TXNL1: variants seen among roughly 807,000 people sequenced by gnomAD.
The protein encoded by TXNL1 is thioredoxin like 1, also known as thioredoxin-like protein 1.
In TXNL1, 14 loss-of-function variants were observed where a neutral mutation model predicts 35.5. That is an observed-to-expected ratio of 0.39 (90% confidence interval 0.26 to 0.62). The LOEUF (loss-of-function observed/expected upper bound fraction) is 0.62, where lower values mean the gene tolerates loss of function less well. TXNL1 is among the 20% of genes least tolerant of loss of function. TXNL1 has a pLI of 0.47. For missense variants in TXNL1, 263 were observed against 349.7 expected, an observed-to-expected ratio of 0.75 and a Z score of 1.98; for synonymous variants, 110 against 115.5, an observed-to-expected ratio of 0.95 and a Z score of 0.31.
rs146288349 is a variant in TXNL1, at chr18:56,607,509, G to A, written c.840+3484C>T. Among the ~76,000 whole-genome samples the A allele has an allele frequency of 1.3e-4, 19 of 151,906 alleles. No homozygotes were observed. In the East Asian group the frequency reaches 2.7e-3, roughly 22 times the overall value. On this transcript the variant is annotated intron_variant, in intron 7 of 7. Transcript: ENST00000217515. The stretch of plus-strand genomic sequence containing the variant: ...AATTTATACATTAAACATTATCAGC[G>A]GTATGTATATATGTACAGATGCTCC...
intron 2 of TXNL1, among the ~76,000 whole-genome samples, chr18:56,625,520 G>A (rs1210602197): frequency 6.6e-6 from 1 of 152,062 alleles, no homozygotes; most frequent in Non-Finnish European, 1.5e-5. Flanking sequence ...ATAGCCAGTG[G>A]TTACAATACC....
intron 4 of TXNL1, 59 bp downstream of exon 4, chr18:56,617,945 A>C: frequency 1.3e-6 from 2 of 1,586,722 alleles, no homozygotes; most frequent in Non-Finnish European, 1.7e-6. Flanking sequence ...GGGAACAAGA[A>C]ACAAGAGCAG....
chr18:56,599,460 CTATATT>C lies in TXNL1; in HGVS notation c.*3561_*3566del, dbSNP rs1437001045. ...CTTTATGTGTATTATAAAGCATAAT[CTATATT>C]TACAAAACTGTAAAATACACACCTC... is the stretch of plus-strand genomic sequence containing the variant. On this transcript the variant is annotated 3_prime_UTR_variant, in exon 8 of 8. Coordinates refer to ENST00000217515, the MANE Select transcript of TXNL1 (RefSeq NM_004786.3). The C allele has an allele frequency of 6.6e-6, 1 of 151,858 alleles. No homozygotes were observed. The highest frequency in any genetic ancestry group is 1.5e-5 in the Non-Finnish European group (1 of 67,980). The allele number at this position is 151,858 out of a possible 1,614,324, so 9.4% of individuals were successfully genotyped here.
At position 56,597,782 on chromosome 18, in the gene TXNL1, A is replaced by G. The variant is rs2023761941; in HGVS notation, c.*5245T>C. ...TCTAAAATCACATTCCTGGCTTTTT[A>G]CTTACTAGACATCGCCACCCAAATA... On this transcript the variant is annotated 3_prime_UTR_variant, in exon 8 of 8. Transcript: ENST00000217515. 6.6e-6 allele frequency: 1 copy of G among 152,168 alleles called. No individual in the cohort carries two copies. The highest frequency in any genetic ancestry group is 2.1e-4 in the South Asian group (1 of 4,830). 9.4% of individuals were successfully genotyped at this position (152,168 alleles called of 1,614,324 possible). A position where few individuals can be genotyped will look rare whatever the true frequency, so the allele number is the denominator to read the frequency against.
intron 3 of TXNL1, among the ~76,000 whole-genome samples, chr18:56,621,204 A>ATT (rs34382500): frequency 1.6e-5 from 2 of 126,168 alleles, no homozygotes; most frequent in African/African-American, 5.8e-5. Flanking sequence ...ATATATATGT[A>ATT]TTTTTTTTTT....
At chr18:56,632,832 C>T (rs191152850) in intron 1 of TXNL1, among the ~76,000 whole-genome samples, 221 of 152,294 alleles carry the variant, frequency 1.5e-3, no homozygotes, top group Middle Eastern at 6.8e-3. Flanking sequence ...ACTCTGTTCT[C>T]CAGGGCTTCA....
rs2024054642 is a variant in TXNL1, at chr18:56,614,657, A to G, written c.563-61T>C. On this transcript the variant is annotated intron_variant, in intron 5 of 7. Coordinates refer to ENST00000217515, the MANE Select transcript of TXNL1 (RefSeq NM_004786.3). ...ACCTCAAATATACTATACTCCCTTTACCACTACACTCACACTATACACAGA... is the reference window on the plus strand; with the variant it reads ...ACCTCAAATATACTATACTCCCTTTGCCACTACACTCACACTATACACAGA... 3.7e-6 allele frequency: 5 copies of G among 1,334,506 alleles called. No individual in the cohort carries two copies. In the Admixed American group the frequency reaches 6.7e-5, roughly 18 times the overall value. 82.7% of individuals were successfully genotyped at this position (1,334,506 alleles called of 1,614,324 possible). A position where few individuals can be genotyped will look rare whatever the true frequency, so the allele number is the denominator to read the frequency against.
intron 6 of TXNL1, among the ~76,000 whole-genome samples, chr18:56,611,480 C>A (rs545128709): frequency 2.2e-3 from 307 of 140,640 alleles, no homozygotes; most frequent in African/African-American, 7.7e-3. Flanking sequence ...CCAGCCCGGG[C>A]AACAAGAGCA....
chr18:56,637,756 T>G (rs2024479258), intron 1 of TXNL1, among the ~76,000 whole-genome samples: 1 of 152,196 alleles, frequency 6.6e-6, no homozygotes, highest in Admixed American at 6.5e-5. Context: ...TACAAGTTAG[T>G]GGCCGAACGA....
rs1392290555 is a variant in TXNL1 at position 56,599,859 on chromosome 18, G to A, written c.*3168C>T. 1 of 151,672 alleles carries A rather than the reference G, an allele frequency of 6.6e-6. No individual in the cohort carries two copies. Among genetic ancestry groups the A allele is most frequent in the Non-Finnish European group, 1.5e-5 (1 of 67,960 alleles). 9.4% of individuals were successfully genotyped at this position (151,672 alleles called of 1,614,324 possible). ...CAGGCATGAGCCACTGTTCCCAGCT[G>A]GATTTCTTACTCTAAGTTACTTATC... is the stretch of plus-strand genomic sequence containing the variant. On this transcript the variant is annotated 3_prime_UTR_variant, in exon 8 of 8. Transcript: ENST00000217515.
Position 56,600,321 on chromosome 18 carries a change from G to A in TXNL1, c.*2706C>T, listed in dbSNP as rs1428749722. On this transcript the variant is annotated 3_prime_UTR_variant, in exon 8 of 8. Coordinates refer to ENST00000217515, the MANE Select transcript of TXNL1 (RefSeq NM_004786.3). ...GCCTCCAACAGAATATTGAGACTGGGGAACAATGTGGGGCAGGTTTCAACT... is the reference window on the plus strand; with the variant it reads ...GCCTCCAACAGAATATTGAGACTGGAGAACAATGTGGGGCAGGTTTCAACT... 1 of 152,094 alleles carries A rather than the reference G, an allele frequency of 6.6e-6. No individual in the cohort carries two copies. The highest frequency in any genetic ancestry group is 1.9e-4 in the East Asian group (1 of 5,164). The allele number at this position is 152,094 out of a possible 1,614,324, so 9.4% of individuals were successfully genotyped here.
At chr18:56,614,681 G>T in intron 5 of TXNL1, 85 bp from the exon 6 acceptor site, 1 of 1,085,420 alleles carries the variant, frequency 9.2e-7, no homozygotes. Flanking sequence ...ACTATACACA[G>T]ACACACACAA....
chr18:56,637,528 A>G (rs552404514), intron 1 of TXNL1, among the ~76,000 whole-genome samples: 1 of 152,358 alleles, frequency 6.6e-6, no homozygotes, highest in Non-Finnish European at 1.5e-5. Context: ...AAGGAACTTT[A>G]CTACACATCC....
intron 6 of TXNL1, among the ~76,000 whole-genome samples, chr18:56,612,384 AT>A (rs144206046): frequency 0.089 from 13,292 of 148,736 alleles, 1,371 homozygotes; most frequent in African/African-American, 0.25. Flanking sequence ...TATGTGCCTC[AT>A]TTTTTTTTTA....
intron 1 of TXNL1, among the ~76,000 whole-genome samples, chr18:56,633,606 C>T (rs1351581582): frequency 1.4e-4 from 16 of 118,516 alleles, no homozygotes; most frequent in African/African-American, 5.2e-4. Flanking sequence ...AGCAACAGAG[C>T]GAGACCCTGT....
chr18:56,604,602 T>C (rs1044179824), intron 7 of TXNL1: 3 of 152,162 alleles, frequency 2.0e-5, no homozygotes, highest in East Asian at 1.9e-4. Context: ...ACATAAAAAT[T>C]AGGTGTAAAA....
At chr18:56,627,857 T>TAA (rs34347766) in intron 1 of TXNL1, among the ~76,000 whole-genome samples, 2 of 138,086 alleles carry the variant, frequency 1.4e-5, no homozygotes. Context: ...CAAGAAGTAC[T>TAA]AAAAAAAAAA....
At chr18:56,611,220 C>A in intron 6 of TXNL1, 123 bp from the exon 7 acceptor site, 1 of 667,366 alleles carries the variant, frequency 1.5e-6, no homozygotes, top group Non-Finnish European at 2.4e-6. Context: ...TTAATCTAGG[C>A]TGGGTGCAGT....
intron 1 of TXNL1, among the ~76,000 whole-genome samples, chr18:56,632,504 T>G (rs572317748): frequency 1.1e-4 from 17 of 152,330 alleles, no homozygotes; most frequent in African/African-American, 4.1e-4. Context: ...AAGTTTAAAT[T>G]AGATCCCAGA....
Sources: gnomAD v4.1 joint callset for allele counts (sites outside exome capture counted in the v4.1 genomes callset) on GRCh38, gnomAD v4.1.1 for gene constraint, MANE v1.5 for transcripts, NCBI Gene and HGNC (gene_info 2026-07-23, HGNC 2026-07-21) for gene names.